Variants in DLG2 observed in about 807,000 individuals in gnomAD.
DLG2 encodes the protein disks large homolog 2.
A neutral mutation model predicts 132.5 loss-of-function variants in DLG2; 45 were observed. The observed-to-expected ratio is 0.34, with a 90% CI of 0.27 to 0.44. The LOEUF is 0.44. Ranked by LOEUF, DLG2 falls within the 20% of genes least tolerant of loss-of-function variation. DLG2 has a pLI of 1.00. For synonymous variants in DLG2, 424 were observed against 419.6 expected (o/e 1.01, Z -0.13); for missense variants, 1,045 against 1,196.9 (o/e 0.87, Z 1.87).
chr11:84,941,591 G>T (rs947141118), intron 6 of DLG2, among the ~76,000 whole-genome samples: 1 of 151,988 alleles, frequency 6.6e-6, no homozygotes, highest in Admixed American at 6.5e-5. Context: ...TGATCACAAC[G>T]AGTGATCTTT....
At chr11:84,148,763 T>C (rs2095184365) in intron 9 of DLG2, among the ~76,000 whole-genome samples, 1 of 152,132 alleles carries the variant, frequency 6.6e-6, no homozygotes, top group Admixed American at 6.6e-5. Flanking sequence ...GAAAAGGTAG[T>C]TCAACTCTTA....
At chr11:84,180,639 A>G (rs994587358) in intron 8 of DLG2, among the ~76,000 whole-genome samples, 1 of 152,122 alleles carries the variant, frequency 6.6e-6, no homozygotes, top group Non-Finnish European at 1.5e-5. Context: ...CAAACTTCAG[A>G]AAATCAAGGA....
At chr11:85,347,967 C>CTTTTT (rs35083224) in intron 3 of DLG2, among the ~76,000 whole-genome samples, 12 of 40,396 alleles carry the variant, frequency 3.0e-4, no homozygotes, top group Non-Finnish European at 4.1e-4. Flanking sequence ...CCACACTTAA[C>CTTTTT]TTTTTTTTTT....
intron 6 of DLG2, among the ~76,000 whole-genome samples, chr11:84,785,544 A>G (rs941635671): frequency 6.6e-6 from 1 of 152,130 alleles, no homozygotes; most frequent in Non-Finnish European, 1.5e-5. Context: ...TTGATTAGGT[A>G]CAAGACCACT....
At chr11:85,378,193 T>C (rs896786118) in intron 3 of DLG2, among the ~76,000 whole-genome samples, 2 of 152,120 alleles carry the variant, frequency 1.3e-5, no homozygotes, top group African/African-American at 2.4e-5. Context: ...AAACAATTCA[T>C]ACAGAAATTG....
At chr11:84,953,938 T>C (rs1000843565) in intron 6 of DLG2, among the ~76,000 whole-genome samples, 2 of 152,272 alleles carry the variant, frequency 1.3e-5, no homozygotes, top group Non-Finnish European at 2.9e-5. Context: ...CTTAGTATGC[T>C]AAGGTGTGCC....
At chr11:84,852,644 T>G (rs1486604723) in intron 6 of DLG2, among the ~76,000 whole-genome samples, 1 of 151,108 alleles carries the variant, frequency 6.6e-6, no homozygotes, top group Admixed American at 6.6e-5. Flanking sequence ...AGTATATACT[T>G]AAGGTAACTA....
chr11:84,567,835 A>C (rs534909264), intron 6 of DLG2, among the ~76,000 whole-genome samples: 38 of 152,284 alleles, frequency 2.5e-4, no homozygotes, highest in Middle Eastern at 6.8e-3. Flanking sequence ...CCAATACATG[A>C]AAACAAGCCT....
chr11:84,796,182 T>C (rs1449116309), intron 6 of DLG2, among the ~76,000 whole-genome samples: 1 of 152,216 alleles, frequency 6.6e-6, no homozygotes, highest in Non-Finnish European at 1.5e-5. Context: ...CTATTATTCA[T>C]TGTATGCCTG....
chr11:85,380,826 A>T (rs962887988), intron 3 of DLG2, among the ~76,000 whole-genome samples: 5 of 152,250 alleles, frequency 3.3e-5, no homozygotes, highest in African/African-American at 1.2e-4. Flanking sequence ...ATAGGAGTCC[A>T]GAATTCTTAC....
At chr11:85,346,259 C>A (rs978216586) in intron 3 of DLG2, among the ~76,000 whole-genome samples, 1 of 151,610 alleles carries the variant, frequency 6.6e-6, no homozygotes, top group Non-Finnish European at 1.5e-5. Flanking sequence ...GCTATCTCGG[C>A]TCACTGCAAG....
intron 6 of DLG2, among the ~76,000 whole-genome samples, chr11:84,552,650 G>C (rs2099404093): frequency 6.6e-6 from 1 of 152,156 alleles, no homozygotes. Flanking sequence ...TACACTATAA[G>C]ATCTTTGAAT....
At chr11:84,113,687 A>G (rs2093479647) in intron 9 of DLG2, among the ~76,000 whole-genome samples, 1 of 152,202 alleles carries the variant, frequency 6.6e-6, no homozygotes, top group African/African-American at 2.4e-5. Flanking sequence ...GAGAATCTGC[A>G]TAGCTCAGTG....
intron 11 of DLG2, among the ~76,000 whole-genome samples, chr11:84,049,453 A>T (rs889714792): frequency 6.6e-6 from 1 of 151,766 alleles, no homozygotes. Context: ...GACTCTTCGC[A>T]GTTGAAAAAC....
chr11:85,097,848 TTC>T (rs1380264637), intron 6 of DLG2, among the ~76,000 whole-genome samples: 2 of 152,210 alleles, frequency 1.3e-5, no homozygotes, highest in Non-Finnish European at 2.9e-5. Context: ...AGTGGTGATT[TTC>T]TCTTTGCTCT....
intron 11 of DLG2, among the ~76,000 whole-genome samples, chr11:84,035,802 G>A (rs556908588): frequency 3.3e-4 from 51 of 152,266 alleles, no homozygotes; most frequent in East Asian, 1.7e-3. Context: ...AGCAAGAAAC[G>A]ATATGGTTTA....
intron 10 of DLG2, among the ~76,000 whole-genome samples, chr11:84,090,065 A>G (rs148229064): frequency 8.3e-4 from 127 of 152,332 alleles, no homozygotes; most frequent in African/African-American, 3.0e-3. Context: ...TCATGGATGT[A>G]TATCTATTTT....
chr11:84,261,732 G>C (rs2097549870), intron 7 of DLG2, among the ~76,000 whole-genome samples: 1 of 152,110 alleles, frequency 6.6e-6, no homozygotes, highest in Non-Finnish European at 1.5e-5. Context: ...ACTCCTAACA[G>C]TGCTGGGCAT....
intron 15 of DLG2, among the ~76,000 whole-genome samples, chr11:83,875,383 G>A (rs2154068659): frequency 6.6e-6 from 1 of 152,232 alleles, no homozygotes; most frequent in South Asian, 2.1e-4. Context: ...CCATTCAACA[G>A]ATGAAGAAAT....
Sources: allele counts gnomAD v4.1 joint callset (sites outside exome capture counted in the v4.1 genomes callset), GRCh38; gene constraint gnomAD v4.1.1; transcripts MANE v1.5; gene names NCBI Gene and HGNC (gene_info 2026-07-23, HGNC 2026-07-21).